GPR39: variants seen among roughly 807,000 people sequenced by gnomAD.
The protein encoded by GPR39 is G protein-coupled receptor 39.
GPR39 carries 23 observed loss-of-function variants against 18.4 expected under a neutral mutation model. That is an observed-to-expected ratio of 1.25 (90% CI 0.90 to 1.77). The LOEUF is 1.77. Among genes scored for constraint, GPR39 ranks in the 40% most tolerant of loss-of-function variants. GPR39 has a pLI of 0.00. For missense variants in GPR39, 647 were observed against 602.4 expected (o/e 1.07, Z -0.78); for synonymous variants, 280 against 257.9 (o/e 1.09, Z -0.82).
chr2:132,483,013 G>A (rs899273673), intron 1 of GPR39, among the ~76,000 whole-genome samples: 14 of 152,166 alleles, frequency 9.2e-5, no homozygotes, highest in Non-Finnish European at 1.8e-4. Flanking sequence ...ACGGACCTGA[G>A]AGCCAGATTG....
At chr2:132,553,931 C>A (rs1680099848) in intron 1 of GPR39, among the ~76,000 whole-genome samples, 1 of 152,044 alleles carries the variant, frequency 6.6e-6, no homozygotes. Context: ...CCACAGAGGA[C>A]ATGGGTATTG....
intron 1 of GPR39, among the ~76,000 whole-genome samples, chr2:132,497,879 A>AATATATTACC (rs1443437442): frequency 1.3e-5 from 2 of 152,136 alleles, no homozygotes; most frequent in Non-Finnish European, 2.9e-5. Context: ...GTCTCCAGAG[A>AATATATTACC]ATATATTACC....
intron 1 of GPR39, among the ~76,000 whole-genome samples, chr2:132,464,725 A>G (rs569120534): frequency 1.3e-5 from 2 of 152,318 alleles, no homozygotes; most frequent in East Asian, 3.9e-4. Flanking sequence ...ATGACCCGGC[A>G]GTATATCCTT....
At chr2:132,613,225 AT>A (rs1681266133) in intron 1 of GPR39, among the ~76,000 whole-genome samples, 1 of 151,900 alleles carries the variant, frequency 6.6e-6, no homozygotes, top group Non-Finnish European at 1.5e-5. Flanking sequence ...TTTGCTTTTT[AT>A]TTCTTGTTGC....
chr2:132,625,969 G>A (rs1057132204), intron 1 of GPR39, among the ~76,000 whole-genome samples: 2 of 151,962 alleles, frequency 1.3e-5, no homozygotes, highest in African/African-American at 4.8e-5. Flanking sequence ...GCGTGGTGGT[G>A]GGTGCCTATA....
At chr2:132,455,590 T>A (rs552947397) in intron 1 of GPR39, among the ~76,000 whole-genome samples, 1 of 152,358 alleles carries the variant, frequency 6.6e-6, no homozygotes, top group East Asian at 1.9e-4. Flanking sequence ...CAATTTTCGA[T>A]CTTTCCTGCT....
At chr2:132,449,828 C>T (rs571100143) in intron 1 of GPR39, among the ~76,000 whole-genome samples, 1 of 152,198 alleles carries the variant, frequency 6.6e-6, no homozygotes, top group African/African-American at 2.4e-5. Flanking sequence ...ATTATTTTCT[C>T]TCTTCTCTTA....
intron 1 of GPR39, among the ~76,000 whole-genome samples, chr2:132,585,001 G>A (rs1036386597): frequency 2.9e-4 from 44 of 152,302 alleles, no homozygotes; most frequent in Middle Eastern, 3.4e-3. Flanking sequence ...CACCATCAGG[G>A]CTGTGTGGTG....
chr2:132,520,128 T>C (rs1172854003), intron 1 of GPR39, among the ~76,000 whole-genome samples: 2 of 152,142 alleles, frequency 1.3e-5, no homozygotes, highest in Admixed American at 6.6e-5. Context: ...ATTCCTGTAA[T>C]CATTCCTTTC....
At chr2:132,501,735 T>A (rs747044500) in intron 1 of GPR39, among the ~76,000 whole-genome samples, 2 of 152,188 alleles carry the variant, frequency 1.3e-5, no homozygotes, top group African/African-American at 2.4e-5. Flanking sequence ...CAGTAGTAAT[T>A]GTTTTATAAA....
At chr2:132,441,683 T>C (rs1680442737) in intron 1 of GPR39, among the ~76,000 whole-genome samples, 1 of 152,242 alleles carries the variant, frequency 6.6e-6, no homozygotes, top group African/African-American at 2.4e-5. Flanking sequence ...TTAGCTGTTA[T>C]GCTAGGTGCT....
At chr2:132,610,955 G>A (rs1681229836) in intron 1 of GPR39, among the ~76,000 whole-genome samples, 1 of 152,124 alleles carries the variant, frequency 6.6e-6, no homozygotes, top group Non-Finnish European at 1.5e-5. Context: ...GGCCAGAGGA[G>A]GAGCAACAAT....
intron 1 of GPR39, among the ~76,000 whole-genome samples, chr2:132,624,985 C>T (rs760025236): frequency 5.3e-5 from 8 of 152,036 alleles, no homozygotes; most frequent in Non-Finnish European, 1.0e-4. Context: ...ATGAACAGCT[C>T]TACTAGAGAC....
chr2:132,569,988 G>A (rs1185394998), intron 1 of GPR39, among the ~76,000 whole-genome samples: 1 of 152,134 alleles, frequency 6.6e-6, no homozygotes, highest in African/African-American at 2.4e-5. Context: ...GCCCAGTCTC[G>A]GGTTTGTCTT....
chr2:132,625,856 C>T (rs765636048), intron 1 of GPR39, among the ~76,000 whole-genome samples: 9 of 152,190 alleles, frequency 5.9e-5, no homozygotes, highest in Admixed American at 2.0e-4. Flanking sequence ...CTCACCAGCT[C>T]TTTGGGAGGC....
chr2:132,448,560 A>G (rs1241307161), intron 1 of GPR39, among the ~76,000 whole-genome samples: 4 of 152,190 alleles, frequency 2.6e-5, no homozygotes, highest in South Asian at 2.1e-4. Flanking sequence ...CTTTCTTAAC[A>G]GCTGATGCCG....
intron 1 of GPR39, among the ~76,000 whole-genome samples, chr2:132,421,022 G>A (rs1244308387): frequency 6.6e-6 from 1 of 152,254 alleles, no homozygotes; most frequent in Non-Finnish European, 1.5e-5. Flanking sequence ...GTTTCAGCCA[G>A]TGTGGCATGG....
intron 1 of GPR39, among the ~76,000 whole-genome samples, chr2:132,620,551 C>T (rs1460767717): frequency 2.6e-5 from 4 of 152,122 alleles, no homozygotes; most frequent in Non-Finnish European, 4.4e-5. Flanking sequence ...TTCCCCCCTG[C>T]GTGGCTCAGG....
intron 1 of GPR39, among the ~76,000 whole-genome samples, chr2:132,491,135 G>A (rs1681452707): frequency 6.6e-6 from 1 of 152,182 alleles, no homozygotes; most frequent in South Asian, 2.1e-4. Flanking sequence ...TAGTAAGCCA[G>A]TTTGAACCAG....
Sources: gnomAD v4.1 joint callset for allele counts (sites outside exome capture counted in the v4.1 genomes callset) on GRCh38, gnomAD v4.1.1 for gene constraint, MANE v1.5 for transcripts, NCBI Gene and HGNC (gene_info 2026-07-23, HGNC 2026-07-21) for gene names.